Variants in ACSS3 observed in about 807,000 individuals in gnomAD.
The protein encoded by ACSS3 is acyl-CoA synthetase short-chain family member 3, mitochondrial.
Under a neutral mutation model 84.2 loss-of-function variants are expected in ACSS3, and 64 were observed. The ratio of observed to expected loss-of-function variants is 0.76; its 90% CI spans 0.62 to 0.94. ACSS3 has a LOEUF of 0.94. Among genes scored for constraint, ACSS3 ranks in the 40% least tolerant of loss-of-function variants. The pLI, the probability that ACSS3 is intolerant of heterozygous loss-of-function variation, is 0.00. For missense variants in ACSS3, 815 were observed against 867.6 expected (o/e 0.94, Z 0.76); for synonymous variants, 317 against 310.1 (o/e 1.02, Z -0.23).
chr12:81,197,759 C>A (rs1283887171), intron 8 of ACSS3, among the ~76,000 whole-genome samples: 1 of 152,106 alleles, frequency 6.6e-6, no homozygotes, highest in Non-Finnish European at 1.5e-5. Flanking sequence ...ACCTTGCCTT[C>A]ATTTTCATCA....
At chr12:81,207,443 T>A (rs2032395030) in intron 9 of ACSS3, among the ~76,000 whole-genome samples, 1 of 152,188 alleles carries the variant, frequency 6.6e-6, no homozygotes, top group Non-Finnish European at 1.5e-5. Flanking sequence ...AGCCACTTAC[T>A]CTATAGCCAA....
intron 2 of ACSS3, among the ~76,000 whole-genome samples, chr12:81,119,541 C>T (rs779997885): frequency 1.3e-5 from 2 of 152,076 alleles, no homozygotes; most frequent in African/African-American, 2.4e-5. Context: ...ACTCGCAGAG[C>T]GGCTGTTTAT....
chr12:81,111,980 CTG>C (rs1328684974), intron 2 of ACSS3, among the ~76,000 whole-genome samples: 1 of 152,116 alleles, frequency 6.6e-6, no homozygotes, highest in Non-Finnish European at 1.5e-5. Flanking sequence ...TAACTGAAAA[CTG>C]TATTTTTGGG....
chr12:81,204,119 G>T (rs1204355177), intron 9 of ACSS3, among the ~76,000 whole-genome samples: 1 of 151,888 alleles, frequency 6.6e-6, no homozygotes, highest in African/African-American at 2.4e-5. Flanking sequence ...AGTGCATGGT[G>T]GCCTTCGTGG....
At chr12:81,202,135 CG>C (rs2032138593) in intron 9 of ACSS3, among the ~76,000 whole-genome samples, 1 of 151,676 alleles carries the variant, frequency 6.6e-6, no homozygotes, top group Non-Finnish European at 1.5e-5. Context: ...ACAAATTAGC[CG>C]GGTGTGGTAG....
intron 10 of ACSS3, among the ~76,000 whole-genome samples, chr12:81,219,046 C>G (rs1249074702): frequency 1.3e-5 from 2 of 152,046 alleles, no homozygotes; most frequent in African/African-American, 2.4e-5. Flanking sequence ...AAACTTGTCA[C>G]TTTGCATACA....
chr12:81,225,559 C>A (rs2033245997), intron 11 of ACSS3, among the ~76,000 whole-genome samples: 1 of 151,938 alleles, frequency 6.6e-6, no homozygotes, highest in Admixed American at 6.6e-5. Context: ...GCACTACTGG[C>A]AAGGCAGAGT....
chr12:81,195,938 A>G (rs67174910), intron 8 of ACSS3, among the ~76,000 whole-genome samples: 5,152 of 152,228 alleles, frequency 0.034, 126 homozygotes, highest in African/African-American at 0.054. Flanking sequence ...ATTATTTTTG[A>G]CAGTGGATTG....
chr12:81,117,357 T>C (rs192044145), intron 2 of ACSS3, among the ~76,000 whole-genome samples: 2 of 152,300 alleles, frequency 1.3e-5, no homozygotes, highest in Non-Finnish European at 2.9e-5. Flanking sequence ...AAATTAGGTA[T>C]AAGTGAAGAA....
chr12:81,154,747 C>T (rs1886779940), intron 7 of ACSS3, among the ~76,000 whole-genome samples: 1 of 152,170 alleles, frequency 6.6e-6, no homozygotes, highest in Admixed American at 6.5e-5. Flanking sequence ...GTCAAAGGGC[C>T]TTGTTTAATC....
intron 9 of ACSS3, among the ~76,000 whole-genome samples, chr12:81,208,600 T>A (rs1245411325): frequency 6.6e-6 from 1 of 152,144 alleles, no homozygotes; most frequent in Non-Finnish European, 1.5e-5. Context: ...GTTGGGATCA[T>A]CAGTTTAGTG....
chr12:81,259,687 T>C lies in ACSS3; in HGVS notation c.*4765T>C. On this transcript the variant is annotated 3_prime_UTR_variant, in exon 16 of 16. Transcript: ENST00000548058. ...TAAAATATACAATGGATAGCATTAG[T>C]TCACTGAAAAGTCCCAGACTGGGAA... 1 of 1,532,280 alleles carries C rather than the reference T, an allele frequency of 6.5e-7. No individual in the cohort carries two copies. Among genetic ancestry groups the C allele is most frequent in the Non-Finnish European group, 8.7e-7 (1 of 1,143,836 alleles). The allele number at this position is 1,532,280 out of a possible 1,614,324, so 94.9% of individuals were successfully genotyped here. A position where few individuals can be genotyped will look rare whatever the true frequency, so the allele number is the denominator to read the frequency against.
At chr12:81,175,908 C>A (rs187365520) in intron 8 of ACSS3, among the ~76,000 whole-genome samples, 1 of 152,100 alleles carries the variant, frequency 6.6e-6, no homozygotes, top group Admixed American at 6.5e-5. Flanking sequence ...TTAGAAAAAT[C>A]TCAAATTAAC....
Position 81,126,350 on chromosome 12 carries a change from G to C in ACSS3, c.457-8466G>C, listed in dbSNP as rs114105909. On this transcript the variant is annotated intron_variant, in intron 2 of 15. Transcript: ENST00000548058. ...TGCAATCCTTAATTATTCTTTGTCT[G>C]TGTATTTTCTTTCCTTTTTATTGCA... Among the ~76,000 whole-genome samples, 467 of 152,266 alleles carry C rather than the reference G, an allele frequency of 3.1e-3. 3 individuals carry two copies. The highest frequency in any genetic ancestry group is 0.011 in the African/African-American group (445 of 41,562).
At chr12:81,155,176 T>C (rs545231122) in intron 7 of ACSS3, among the ~76,000 whole-genome samples, 2 of 152,330 alleles carry the variant, frequency 1.3e-5, no homozygotes, top group South Asian at 4.1e-4. Context: ...TAAATTATAC[T>C]CTACTCCTCG....
chr12:81,221,629 T>G (rs1490656257), intron 11 of ACSS3, among the ~76,000 whole-genome samples: 1 of 152,018 alleles, frequency 6.6e-6, no homozygotes, highest in African/African-American at 2.4e-5. Context: ...TCCATCAAGA[T>G]GAAAAAATTA....
intron 5 of ACSS3, among the ~76,000 whole-genome samples, chr12:81,149,588 G>A (rs1886512059): frequency 6.6e-6 from 1 of 152,138 alleles, no homozygotes; most frequent in Non-Finnish European, 1.5e-5. Flanking sequence ...CCAAATTGCA[G>A]ATCTAGAGTC....
intron 8 of ACSS3, among the ~76,000 whole-genome samples, chr12:81,197,018 AT>A (rs1176644323): frequency 6.6e-6 from 1 of 152,150 alleles, no homozygotes; most frequent in Non-Finnish European, 1.5e-5. Flanking sequence ...TAATAAGATA[AT>A]TTTATTCTGT....
intron 1 of ACSS3, among the ~76,000 whole-genome samples, chr12:81,096,650 C>T (rs553270251): frequency 4.9e-4 from 73 of 149,974 alleles, no homozygotes; most frequent in Non-Finnish European, 8.9e-4. Flanking sequence ...GGCCCCAGTG[C>T]GTGATGTTCC....
Sources: gnomAD v4.1 joint callset for allele counts (sites outside exome capture counted in the v4.1 genomes callset) on GRCh38, gnomAD v4.1.1 for gene constraint, MANE v1.5 for transcripts, NCBI Gene and HGNC (gene_info 2026-07-23, HGNC 2026-07-21) for gene names.